Variants in PNPLA7 observed in about 807,000 individuals in gnomAD.
PNPLA7 encodes the protein patatin like domain 7, lysophospholipase.
A neutral mutation model predicts 161.7 loss-of-function variants in PNPLA7; 153 were observed. The observed-to-expected ratio is 0.95, with a 90% CI of 0.83 to 1.08. PNPLA7 has a LOEUF of 1.08. PNPLA7 is among the 50% of genes least tolerant of loss of function. PNPLA7 has a pLI of 0.00. For synonymous variants in PNPLA7, 809 were observed against 782.1 expected, an observed-to-expected ratio of 1.03 and a Z score of -0.57; for missense variants, 1,739 against 1,856.6, an observed-to-expected ratio of 0.94 and a Z score of 1.16.
chr9:137,504,204 G>A (rs1403108644), intron 14 of PNPLA7, among the ~76,000 whole-genome samples: 1 of 144,460 alleles, frequency 6.9e-6, no homozygotes, highest in Non-Finnish European at 1.5e-5. Flanking sequence ...AGAGGAAGAA[G>A]AAGAGAGATT....
At chr9:137,478,883 A>T in intron 24 of PNPLA7, 173 bp downstream of exon 24, 1 of 953,254 alleles carries the variant, frequency 1.0e-6, no homozygotes, top group Non-Finnish European at 1.5e-6. Flanking sequence ...TGGCCACCAG[A>T]GGCCCAAAGG....
intron 8 of PNPLA7, among the ~76,000 whole-genome samples, chr9:137,539,366 A>G (rs1836066355): frequency 6.6e-6 from 1 of 151,974 alleles, no homozygotes; most frequent in Non-Finnish European, 1.5e-5. Context: ...AAACAAACAA[A>G]AAACAAAAAA....
In PNPLA7 at chr9:137,519,922, T is replaced by A; in HGVS notation, c.1079A>T (p.Asp360Val). ...TCCTTGGTGCAGGACAGTACCTGAGTCACAGGACTCCTGGAGCCGCGGTGG... is the reference window on the plus strand; with the variant it reads ...TCCTTGGTGCAGGACAGTACCTGAGACACAGGACTCCTGGAGCCGCGGTGG... ...KKPPRLQESC[D>V]SDHGGGRPAA... is the part of the protein sequence containing the mutation. Residue 360 changes from aspartate (D) to valine (V), a missense_variant, in exon 11 of 35, where the codon GAC (aspartate) becomes GTC (valine). Transcript: ENST00000406427. 1 of 1,612,042 alleles carries A rather than the reference T, an allele frequency of 6.2e-7. No homozygotes were observed.
At chr9:137,491,613 C>T (rs1395215524) in intron 20 of PNPLA7, 8 of 985,430 alleles carry the variant, frequency 8.1e-6, no homozygotes, top group African/African-American at 3.5e-5. Context: ...TACCCAGAAC[C>T]GCAAAATGTG....
At chr9:137,501,619 T>C (rs1045982353) in intron 15 of PNPLA7, 31 bp downstream of exon 15, 3 of 1,597,878 alleles carry the variant, frequency 1.9e-6, no homozygotes, top group Non-Finnish European at 2.6e-6. Context: ...CATTGGGTGG[T>C]CCCAGTGCCC....
chr9:137,480,015 T>A (rs1832132681), intron 23 of PNPLA7: 1 of 728,994 alleles, frequency 1.4e-6, no homozygotes, highest in Admixed American at 6.3e-5. Flanking sequence ...GGGCACCGTT[T>A]ACGTAAAAGG....
intron 32 of PNPLA7, 63 bp downstream of exon 32, chr9:137,461,868 G>C: frequency 6.8e-7 from 1 of 1,459,946 alleles, no homozygotes; most frequent in Non-Finnish European, 9.1e-7. Flanking sequence ...CTGGGCGTGG[G>C]CGTGGCCCGA....
At chr9:137,544,187 TC>T (rs1836364522) in intron 4 of PNPLA7, among the ~76,000 whole-genome samples, 2 of 151,978 alleles carry the variant, frequency 1.3e-5, no homozygotes, top group East Asian at 1.9e-4. Flanking sequence ...CCACCGACCT[TC>T]CCCCCCAACT....
rs1554781868 is a variant in PNPLA7 at position 137,547,710 on chromosome 9, G to A, written c.31-51C>T. On this transcript the variant is annotated intron_variant, in intron 1 of 34. Coordinates refer to ENST00000406427, the MANE Select transcript of PNPLA7 (RefSeq NM_001098537.3). This position sits in a 1 kb window ranked among gnomAD's most constrained non-coding sequence, Gnocchi z 4.6. ...TGGGCATGGACAGGCTTCCCAGCCC[G>A]AACTTGTTCAGAGCAGCAGGAGGAG... The A allele has an allele frequency of 2.1e-5, 32 of 1,557,762 alleles. No individual in the cohort carries two copies. Among genetic ancestry groups the A allele is most frequent in the African/African-American group, 2.7e-5 (2 of 73,856 alleles).
intron 8 of PNPLA7, among the ~76,000 whole-genome samples, chr9:137,528,680 G>T (rs1232424363): frequency 6.6e-6 from 1 of 150,698 alleles, no homozygotes; most frequent in Non-Finnish European, 1.5e-5. Context: ...TTTAATTGGG[G>T]CTTTCATGAT....
In PNPLA7 at chr9:137,500,960, G is replaced by A; in HGVS notation, c.1552-64C>T. Reference sequence around the variant, plus strand: ...CGCGGGCAGGACGGGGGCAGCTCTGGGCCCAGAGCGGACGATGCCACCAGG... The same window carrying A: ...CGCGGGCAGGACGGGGGCAGCTCTGAGCCCAGAGCGGACGATGCCACCAGG... On this transcript the variant is annotated intron_variant, in intron 15 of 34. Transcript: ENST00000406427. This position sits in a 1 kb window ranked among gnomAD's most constrained non-coding sequence, Gnocchi z 5.5. 1 of 1,445,960 alleles carries A rather than the reference G, an allele frequency of 6.9e-7. No individual in the cohort carries two copies. The highest frequency in any genetic ancestry group is 1.4e-5 in the African/African-American group (1 of 71,154). The allele number at this position is 1,445,960 out of a possible 1,614,324, so 89.6% of individuals were successfully genotyped here.
At chr9:137,531,390 A>G (rs1835573918) in intron 8 of PNPLA7, among the ~76,000 whole-genome samples, 1 of 152,212 alleles carries the variant, frequency 6.6e-6, no homozygotes, top group Admixed American at 6.5e-5. Context: ...GTTTACTTCA[A>G]AAAACCATGC....
intron 8 of PNPLA7, among the ~76,000 whole-genome samples, chr9:137,534,902 C>T (rs958850773): frequency 2.1e-5 from 3 of 140,842 alleles, no homozygotes; most frequent in Non-Finnish European, 4.5e-5. Flanking sequence ...GTCCCTCGAA[C>T]CGCGCGTTCT....
chr9:137,507,012 A>T (rs1340855517), intron 12 of PNPLA7, among the ~76,000 whole-genome samples: 1 of 152,234 alleles, frequency 6.6e-6, no homozygotes, highest in Non-Finnish European at 1.5e-5. Flanking sequence ...GCGGGAAGGA[A>T]CCAGGCCCAG....
At position 137,495,030 on chromosome 9, in the gene PNPLA7, CACCTGTGGGT is replaced by C. The variant is rs749770568; in HGVS notation, c.2120_2127+2del. On this transcript the variant is annotated splice_donor_variant and coding_sequence_variant, in exon 19 of 35. Transcript: ENST00000406427. LOFTEE classifies it high-confidence loss of function. ...TCCGCATCCTCACCCACGCCATGCT[CACCTGTGGGT>C]ACCTGCGCTTGATGGACGTGAGGGC... is the stretch of plus-strand genomic sequence containing the variant. The C allele has an allele frequency of 6.2e-7, 1 of 1,606,580 alleles. No individual in the cohort carries two copies. Among genetic ancestry groups the C allele is most frequent in the Non-Finnish European group, 8.5e-7 (1 of 1,176,498 alleles).
chr9:137,502,712 C>CGGGGGGGACGAGGGGGACGA (rs1392067298), intron 14 of PNPLA7, among the ~76,000 whole-genome samples: 1 of 8,212 alleles, frequency 1.2e-4, no homozygotes, highest in Non-Finnish European at 2.0e-4. Context: ...GCGGGGGACG[C>CGGGGGGGACGAGGGGGACGA]GGGGGACGCG....
At chr9:137,534,911 C>G (rs539194830) in intron 8 of PNPLA7, among the ~76,000 whole-genome samples, 1 of 140,732 alleles carries the variant, frequency 7.1e-6, no homozygotes, top group South Asian at 2.4e-4. Flanking sequence ...ACCGCGCGTT[C>G]TAACAGGCAA....
At chr9:137,534,869 G>T (rs1835801539) in intron 8 of PNPLA7, among the ~76,000 whole-genome samples, 1 of 151,986 alleles carries the variant, frequency 6.6e-6, no homozygotes, top group South Asian at 2.1e-4. Flanking sequence ...CTTAACCCCA[G>T]CAGGGCCAAA....
rs1322427544 is a variant in PNPLA7, at chr9:137,486,057, C to T, written c.2198-1321G>A. Among the ~76,000 whole-genome samples the T allele has an allele frequency of 1.3e-5, 2 of 151,946 alleles. No individual in the cohort carries two copies. The highest frequency in any genetic ancestry group is 4.8e-5 in the African/African-American group (2 of 41,324). On this transcript the variant is annotated intron_variant, in intron 20 of 34. Coordinates refer to ENST00000406427, the MANE Select transcript of PNPLA7 (RefSeq NM_001098537.3). This position sits in a 1 kb window ranked among gnomAD's most constrained non-coding sequence, Gnocchi z 6.0. ...CCTGCATCTAGGTGCCGTGGATGCT[C>T]CTCCTCTGCAGTCCCCGTGGCCCAG...
Sources: gnomAD v4.1 joint callset for allele counts (sites outside exome capture counted in the v4.1 genomes callset) on GRCh38, gnomAD v4.1.1 for gene constraint, Gnocchi (gnomAD v3.1) non-coding constraint, MANE v1.5 for transcripts, NCBI Gene and HGNC (gene_info 2026-07-23, HGNC 2026-07-21) for gene names.